Variants in SLC2A13 observed in about 807,000 individuals in gnomAD.
The protein encoded by SLC2A13 is proton myo-inositol cotransporter.
A neutral mutation model predicts 64.4 loss-of-function variants in SLC2A13; 32 were observed. The ratio of observed to expected loss-of-function variants is 0.50; its 90% CI spans 0.37 to 0.67. SLC2A13 has a LOEUF of 0.67. Among genes scored for constraint, SLC2A13 ranks in the 30% least tolerant of loss-of-function variants. The pLI is 0.00. For synonymous variants in SLC2A13, 338 were observed against 327.1 expected (o/e 1.03, Z -0.36); for missense variants, 743 against 829.2 (o/e 0.90, Z 1.28).
At chr12:39,934,859 A>T (rs1160413894) in intron 4 of SLC2A13, among the ~76,000 whole-genome samples, 2 of 152,142 alleles carry the variant, frequency 1.3e-5, no homozygotes, top group Non-Finnish European at 2.9e-5. Flanking sequence ...TTCTAGCAAG[A>T]AACACTGTTC....
At chr12:39,888,370 G>T (rs1462148525) in intron 4 of SLC2A13, among the ~76,000 whole-genome samples, 1 of 152,164 alleles carries the variant, frequency 6.6e-6, no homozygotes, top group East Asian at 1.9e-4. Context: ...GACTACAGGT[G>T]CATGGCACCA....
intron 1 of SLC2A13, among the ~76,000 whole-genome samples, chr12:40,065,432 AAAAC>A (rs1937682916): frequency 6.6e-6 from 1 of 152,196 alleles, no homozygotes; most frequent in Admixed American, 6.5e-5. Flanking sequence ...AAAAAAAAAA[AAAAC>A]TAGCTGGGCA....
At chr12:40,076,692 TG>T (rs760028658) in intron 1 of SLC2A13, among the ~76,000 whole-genome samples, 2 of 152,200 alleles carry the variant, frequency 1.3e-5, no homozygotes, top group Non-Finnish European at 2.9e-5. Flanking sequence ...CTGGATCGAA[TG>T]GTAGTTCTGT....
At chr12:39,958,197 A>G (rs1467848060) in intron 3 of SLC2A13, among the ~76,000 whole-genome samples, 1 of 152,186 alleles carries the variant, frequency 6.6e-6, no homozygotes, top group African/African-American at 2.4e-5. Flanking sequence ...ATGTATGCCT[A>G]ACTTCTTTCC....
intron 4 of SLC2A13, among the ~76,000 whole-genome samples, chr12:39,895,669 C>T (rs1220842563): frequency 1.4e-5 from 2 of 145,872 alleles, no homozygotes; most frequent in Admixed American, 7.0e-5. Flanking sequence ...TATGTATATG[C>T]GTGTATACGT....
intron 7 of SLC2A13, among the ~76,000 whole-genome samples, chr12:39,788,979 A>G (rs1941283343): frequency 6.6e-6 from 1 of 152,128 alleles, no homozygotes; most frequent in African/African-American, 2.4e-5. Flanking sequence ...AATCGGATTG[A>G]TGCCATAGTT....
At chr12:39,984,000 T>C (rs1399731430) in intron 3 of SLC2A13, among the ~76,000 whole-genome samples, 1 of 151,426 alleles carries the variant, frequency 6.6e-6, no homozygotes, top group Admixed American at 6.6e-5. Flanking sequence ...TATGCAGCCA[T>C]AAAAAAGGAT....
chr12:39,923,031 A>T (rs993273665), intron 4 of SLC2A13, among the ~76,000 whole-genome samples: 5 of 152,216 alleles, frequency 3.3e-5, no homozygotes, highest in Admixed American at 3.3e-4. Flanking sequence ...AATGATCCTA[A>T]TAATTGCAGA....
intron 7 of SLC2A13, among the ~76,000 whole-genome samples, chr12:39,789,505 T>C (rs1392152545): frequency 6.6e-6 from 1 of 152,180 alleles, no homozygotes; most frequent in Non-Finnish European, 1.5e-5. Flanking sequence ...TATGCACATA[T>C]TTTTAACATA....
intron 3 of SLC2A13, 42 bp downstream of exon 3, chr12:40,028,259 C>T: frequency 6.8e-7 from 1 of 1,465,142 alleles, no homozygotes; most frequent in Non-Finnish European, 9.4e-7. Context: ...AATAAGACCA[C>T]TGTATAGTTT....
intron 3 of SLC2A13, among the ~76,000 whole-genome samples, chr12:40,012,664 TTTC>T (rs2136196191): frequency 6.6e-6 from 1 of 152,362 alleles, no homozygotes; most frequent in Admixed American, 6.5e-5. Context: ...GCTCTGCCTT[TTTC>T]TTTTTCAACA....
At chr12:40,055,612 G>A (rs1279265433) in intron 1 of SLC2A13, among the ~76,000 whole-genome samples, 1 of 152,122 alleles carries the variant, frequency 6.6e-6, no homozygotes, top group African/African-American at 2.4e-5. Flanking sequence ...ACTATGGAAT[G>A]CATACACAAA....
At chr12:39,887,331 T>C (rs1171058224) in intron 4 of SLC2A13, among the ~76,000 whole-genome samples, 1 of 152,150 alleles carries the variant, frequency 6.6e-6, no homozygotes, top group Non-Finnish European at 1.5e-5. Context: ...TTACAAGTTA[T>C]ATCCCAAAAG....
chr12:39,805,212 T>C (rs1410934721), intron 7 of SLC2A13, among the ~76,000 whole-genome samples: 1 of 152,146 alleles, frequency 6.6e-6, no homozygotes, highest in Non-Finnish European at 1.5e-5. Context: ...GTGGTTTTTA[T>C]TCTAAATGAT....
At chr12:40,100,884 G>C (rs1244002118) in intron 1 of SLC2A13, among the ~76,000 whole-genome samples, 1 of 142,208 alleles carries the variant, frequency 7.0e-6, no homozygotes. Context: ...AGAATCGCTT[G>C]AACCTGGGAG....
chr12:39,984,080 G>GA (rs1392890479), intron 3 of SLC2A13, among the ~76,000 whole-genome samples: 7 of 148,476 alleles, frequency 4.7e-5, no homozygotes, highest in Admixed American at 7.0e-5. Context: ...ATCGCAAGAA[G>GA]AAAAAACCAA....
intron 4 of SLC2A13, among the ~76,000 whole-genome samples, chr12:39,915,665 A>G (rs1235982980): frequency 6.6e-6 from 1 of 151,122 alleles, no homozygotes. Flanking sequence ...TTTTTTTTTT[A>G]GTTAACATAG....
chr12:40,059,872 T>TG (rs1948390192), intron 1 of SLC2A13, among the ~76,000 whole-genome samples: 1 of 152,134 alleles, frequency 6.6e-6, no homozygotes, highest in African/African-American at 2.4e-5. Flanking sequence ...CTCTCTGGAC[T>TG]GGGGGCCTTA....
At chr12:39,761,228 C>T (rs1423912331) in intron 9 of SLC2A13, among the ~76,000 whole-genome samples, 2 of 147,360 alleles carry the variant, frequency 1.4e-5, no homozygotes, top group Non-Finnish European at 3.0e-5. Context: ...CTTCTCTGGG[C>T]CTCTGTTGCC....
Sources: gnomAD v4.1 joint callset for allele counts (sites outside exome capture counted in the v4.1 genomes callset) on GRCh38, gnomAD v4.1.1 for gene constraint, MANE v1.5 for transcripts, NCBI Gene and HGNC (gene_info 2026-07-23, HGNC 2026-07-21) for gene names.